The following SVOPL variants were observed in gnomAD, a reference collection of about 807,000 sequenced individuals.
SVOPL encodes putative transporter SVOPL.
SVOPL carries 60 observed loss-of-function variants against 61.0 expected under a neutral mutation model. That is an observed-to-expected ratio of 0.98 (90% CI 0.80 to 1.22). SVOPL has a LOEUF of 1.22. Ranked by LOEUF, SVOPL falls within the 50% of genes most tolerant of loss-of-function variation. The pLI is 0.00. For synonymous variants in SVOPL, 279 were observed against 250.0 expected (o/e 1.12, Z -1.09); for missense variants, 662 against 643.9 (o/e 1.03, Z -0.30).
chr7:138,679,113 A>G (rs183793312), intron 1 of SVOPL, 34 bp from the exon 2 acceptor site: 1 of 1,422,440 alleles, frequency 7.0e-7, no homozygotes, highest in East Asian at 2.5e-5. Context: ...AAGGAAAGAA[A>G]TATAATGGTT....
chr7:138,660,328 G>T, intron 5 of SVOPL: 1 of 1,047,520 alleles, frequency 9.5e-7, no homozygotes, highest in Non-Finnish European at 1.2e-6. Flanking sequence ...AGTATGTTGG[G>T]AGGAGTACAA....
rs5887892 is a variant in SVOPL, at chr7:138,641,229, T to TA, written c.789+3487dup. 5.7e-4 allele frequency among the ~76,000 whole-genome samples: 74 copies of TA among 130,706 alleles called. 1 individual carries two copies. Among genetic ancestry groups the TA allele is most frequent in the Middle Eastern group, 3.8e-3 (1 of 260 alleles). 85.7% of individuals were successfully genotyped at this position (130,706 alleles called of 152,430 possible). On this transcript the variant is annotated intron_variant, in intron 9 of 15. Coordinates refer to ENST00000674285, the MANE Select transcript of SVOPL (RefSeq NM_001139456.2). ...ATAACTCAATAAAAGCTGAAATTAT[T>TA]AAAAAAAAAAAAAAAACTTAAATTC...
chr7:138,631,082 G>A (rs1800162512), intron 9 of SVOPL, among the ~76,000 whole-genome samples: 2 of 152,106 alleles, frequency 1.3e-5, no homozygotes, highest in Admixed American at 1.3e-4. Flanking sequence ...AAATAGACCT[G>A]GGATTACAGG....
At chr7:138,626,881 T>C (rs1284141205) in intron 12 of SVOPL, among the ~76,000 whole-genome samples, 2 of 151,770 alleles carry the variant, frequency 1.3e-5, no homozygotes, top group African/African-American at 2.4e-5. Flanking sequence ...CACCTGCTGC[T>C]ACCATCCCCT....
intron 13 of SVOPL, among the ~76,000 whole-genome samples, chr7:138,622,295 TATC>T (rs1467775756): frequency 7.7e-6 from 1 of 130,634 alleles, no homozygotes; most frequent in Non-Finnish European, 1.7e-5. Flanking sequence ...TCTATCTATC[TATC>T]TATCTATCTA....
chr7:138,609,247 A>G (rs1174959871), intron 14 of SVOPL, among the ~76,000 whole-genome samples: 4 of 152,196 alleles, frequency 2.6e-5, no homozygotes, highest in Non-Finnish European at 4.4e-5. Flanking sequence ...AGCTCGCCCA[A>G]GAGGACTTGA....
intron 14 of SVOPL, among the ~76,000 whole-genome samples, chr7:138,599,167 A>AAAAC (rs58372563): frequency 0.12 from 13,907 of 120,542 alleles, 1,600 homozygotes; most frequent in South Asian, 0.18. Context: ...ACCAAAAAAA[A>AAAAC]AAGAAATACA....
intron 7 of SVOPL, among the ~76,000 whole-genome samples, chr7:138,652,333 T>C (rs1363530243): frequency 6.6e-6 from 1 of 152,022 alleles, no homozygotes; most frequent in Non-Finnish European, 1.5e-5. Flanking sequence ...ATTCCAGGTG[T>C]GAGCCACTGT....
chr7:138,662,818 A>T, intron 5 of SVOPL: 2 of 1,290,766 alleles, frequency 1.5e-6, no homozygotes, highest in Admixed American at 3.5e-5. Flanking sequence ...CTGGGTAGAG[A>T]TTTCTTAGAA....
At chr7:138,660,172 G>A (rs899710858) in intron 5 of SVOPL, 184 bp from the exon 6 acceptor site, 37 of 1,371,926 alleles carry the variant, frequency 2.7e-5, no homozygotes, top group Non-Finnish European at 3.4e-5. Context: ...TCTACTGTCT[G>A]GAAGCCCAGA....
At chr7:138,623,135 T>C (rs1022042761) in intron 13 of SVOPL, among the ~76,000 whole-genome samples, 1 of 152,178 alleles carries the variant, frequency 6.6e-6, no homozygotes, top group Non-Finnish European at 1.5e-5. Flanking sequence ...ATGGGGAACT[T>C]TATTATTTTC....
At chr7:138,663,731 C>T (rs1802114505) in intron 4 of SVOPL, among the ~76,000 whole-genome samples, 1 of 152,172 alleles carries the variant, frequency 6.6e-6, no homozygotes, top group Non-Finnish European at 1.5e-5. Flanking sequence ...CCTGAGACCT[C>T]AGCTGCTGTC....
intron 14 of SVOPL, among the ~76,000 whole-genome samples, chr7:138,611,892 G>A (rs1490677239): frequency 9.6e-5 from 7 of 73,132 alleles, no homozygotes; most frequent in Admixed American, 6.5e-4. Flanking sequence ...CGTCTGGGAG[G>A]TGTGCCCAAC....
chr7:138,671,894 C>T (rs1344746290), intron 4 of SVOPL, 125 bp downstream of exon 4: 16 of 795,318 alleles, frequency 2.0e-5, no homozygotes, highest in Non-Finnish European at 3.1e-5. Flanking sequence ...GCTGCAAACC[C>T]TTGAGTTTTG....
chr7:138,644,695 G>A, intron 9 of SVOPL, 22 bp downstream of exon 9: 1 of 1,612,344 alleles, frequency 6.2e-7, no homozygotes. Flanking sequence ...GATAGGAGAA[G>A]ACCTCGGGGG....
chr7:138,621,811 T>G (rs1799577886), intron 13 of SVOPL, among the ~76,000 whole-genome samples: 1 of 101,720 alleles, frequency 9.8e-6, no homozygotes, highest in Non-Finnish European at 2.1e-5. Flanking sequence ...TGTATCTATC[T>G]ATGTATCTAT....
intron 14 of SVOPL, among the ~76,000 whole-genome samples, chr7:138,601,890 T>G (rs1004631912): frequency 2.4e-5 from 2 of 81,882 alleles, no homozygotes; most frequent in East Asian, 4.6e-4. Flanking sequence ...CTTTGCCTGT[T>G]TTATGTTTTC....
Position 138,616,944 on chromosome 7 carries a change from G to A in SVOPL, c.1353+4102C>T, listed in dbSNP as rs1282691185. On this transcript the variant is annotated intron_variant, in intron 14 of 15. Transcript: ENST00000674285. ...TGGGACTATAGGTGCATGCCATCAT[G>A]CCTGGCTGGAACATTCAATTAATTA... 3.9e-5 allele frequency among the ~76,000 whole-genome samples: 6 copies of A among 152,254 alleles called. No individual in the cohort carries two copies. The South Asian group carries it at 6.2e-4, about 16-fold the overall frequency.
chr7:138,608,517 T>C (rs1019763012), intron 14 of SVOPL, among the ~76,000 whole-genome samples: 3 of 152,168 alleles, frequency 2.0e-5, no homozygotes, highest in Non-Finnish European at 4.4e-5. Flanking sequence ...TGTACAGCTG[T>C]TTCCGGCATT....
Sources: allele counts gnomAD v4.1 joint callset (sites outside exome capture counted in the v4.1 genomes callset), GRCh38; gene constraint gnomAD v4.1.1; transcripts MANE v1.5; gene names NCBI Gene and HGNC (gene_info 2026-07-23, HGNC 2026-07-21).